NFXL1: variants seen among roughly 807,000 people sequenced by gnomAD.
The protein encoded by NFXL1 is NF-X1-type zinc finger protein NFXL1.
A neutral mutation model predicts 123.3 loss-of-function variants in NFXL1; 66 were observed. The ratio of observed to expected loss-of-function variants is 0.54; its 90% CI spans 0.44 to 0.66. The LOEUF (loss-of-function observed/expected upper bound fraction) is 0.66, where lower values mean the gene tolerates loss of function less well. Ranked by LOEUF, NFXL1 falls within the 30% of genes least tolerant of loss-of-function variation. The pLI is 0.00. For synonymous variants in NFXL1, 346 were observed against 360.8 expected (o/e 0.96, Z 0.46); for missense variants, 944 against 1,125.6 (o/e 0.84, Z 2.31).
chr4:47,876,951 G>C, intron 17 of NFXL1: 1 of 497,288 alleles, frequency 2.0e-6, no homozygotes. Context: ...TCTGAGATGG[G>C]AAAGACTGAG....
At chr4:47,901,133 G>T (rs1272006416) in intron 5 of NFXL1, among the ~76,000 whole-genome samples, 1 of 152,164 alleles carries the variant, frequency 6.6e-6, no homozygotes, top group Admixed American at 6.5e-5. Flanking sequence ...ACAATGAAAT[G>T]TAATTATGCT....
In NFXL1 at chr4:47,903,334, T is replaced by C; in HGVS notation, c.517-11A>G. 1.3e-6 allele frequency: 2 copies of C among 1,502,810 alleles called. No homozygotes were observed. The highest frequency in any genetic ancestry group is 2.4e-5 in the Admixed American group (1 of 41,142). 93.1% of individuals were successfully genotyped at this position (1,502,810 alleles called of 1,614,324 possible). On this transcript the variant is annotated splice_polypyrimidine_tract_variant and intron_variant, in intron 4 of 22. Coordinates refer to ENST00000507489, the MANE Select transcript of NFXL1 (RefSeq NM_001278624.2). ...CGAACAGCTCCAAACCTAAGACAAA[T>C]GTATCAGAAGTTAATATATGTTAAT...
At chr4:47,849,343 A>T (rs1733987529) in intron 22 of NFXL1, among the ~76,000 whole-genome samples, 1 of 152,174 alleles carries the variant, frequency 6.6e-6, no homozygotes, top group South Asian at 2.1e-4. Context: ...AGTACTTATT[A>T]AACTTTTACA....
intron 18 of NFXL1, among the ~76,000 whole-genome samples, chr4:47,874,142 A>C (rs769975264): frequency 1.3e-5 from 2 of 152,204 alleles, no homozygotes; most frequent in Non-Finnish European, 2.9e-5. Flanking sequence ...AACTTTCTCC[A>C]TATCAGCAAT....
chr4:47,859,851 A>C (rs1219622279), intron 19 of NFXL1, among the ~76,000 whole-genome samples: 3 of 133,336 alleles, frequency 2.2e-5, no homozygotes, highest in Non-Finnish European at 4.7e-5. Context: ...CAAAAAAAAA[A>C]AAAAAAAAAA....
At chr4:47,850,963 T>C (rs1253369001) in intron 22 of NFXL1, 132 bp downstream of exon 22, 1 of 638,670 alleles carries the variant, frequency 1.6e-6, no homozygotes, top group African/African-American at 1.8e-5. Flanking sequence ...CTCATTTTTG[T>C]TTTACAAGAA....
intron 18 of NFXL1, among the ~76,000 whole-genome samples, chr4:47,863,144 C>T (rs374629186): frequency 6.6e-6 from 1 of 152,152 alleles, no homozygotes; most frequent in Non-Finnish European, 1.5e-5. Flanking sequence ...AAAGTGTAAT[C>T]GCTGCAAGAA....
At chr4:47,886,670 C>T (rs1278013283) in intron 12 of NFXL1, among the ~76,000 whole-genome samples, 1 of 152,110 alleles carries the variant, frequency 6.6e-6, no homozygotes, top group African/African-American at 2.4e-5. Flanking sequence ...CACCCAGCCT[C>T]TGATTTATAA....
chr4:47,855,149 A>G lies in NFXL1; in HGVS notation c.2331T>C (p.His777=). ...CAGGATGACACATCTCTTTGCATCT[A>G]TGACCACAAGGAAGCTAAAATAAAA... The part of the protein sequence containing the change: ...NQCPKELPCG[H]RCKEMCHPGE... Residue 777 remains histidine (H), a synonymous_variant, in exon 20 of 23, where the codon CAT becomes CAC. Transcript: ENST00000507489. The G allele has an allele frequency of 6.3e-7, 1 of 1,579,882 alleles. No homozygotes were observed. The highest frequency in any genetic ancestry group is 2.3e-5 in the East Asian group (1 of 43,896).
At chr4:47,888,661 T>C (rs879153763) in intron 12 of NFXL1, among the ~76,000 whole-genome samples, 3 of 152,152 alleles carry the variant, frequency 2.0e-5, no homozygotes, top group African/African-American at 7.2e-5. Context: ...AGGAACATGT[T>C]AAATAATACC....
In NFXL1 at chr4:47,875,248, G is replaced by C. The variant is rs756955581; in HGVS notation, c.2125C>G (p.Arg709Gly). Residue 709 changes from arginine to glycine, a missense_variant, in exon 18 of 23, where the codon CGG (arginine) becomes GGG (glycine). This residue lies in a region of NFXL1 where 301 missense variants were observed against 348.0 expected (regional missense o/e 0.86). Transcript: ENST00000507489. The part of the protein sequence containing the change: ...LHCEEGCSKS[R>G]PLGCLHPCIL... ...CATGGGTGAAGACAACCTAGTGGCCGTGACTTGGAGCACCCTTCCTCACAA... is the reference window on the plus strand; with the variant it reads ...CATGGGTGAAGACAACCTAGTGGCCCTGACTTGGAGCACCCTTCCTCACAA... 4 of 1,613,060 alleles carry C rather than the reference G, an allele frequency of 2.5e-6. No homozygotes were observed. The highest frequency in any genetic ancestry group is 2.2e-5 in the East Asian group (1 of 44,826).
intron 4 of NFXL1, among the ~76,000 whole-genome samples, chr4:47,903,972 C>T (rs953831676): frequency 6.6e-5 from 10 of 152,102 alleles, no homozygotes; most frequent in Non-Finnish European, 1.3e-4. Context: ...AATCAGTTCC[C>T]CTTTCCTTAT....
Position 47,885,528 on chromosome 4 carries a change from AT to A in NFXL1, c.1793del (p.His598LeufsTer5). 1 of 1,613,604 alleles carries A rather than the reference AT, an allele frequency of 6.2e-7. No homozygotes were observed. Among genetic ancestry groups the A allele is most frequent in the Non-Finnish European group, 8.5e-7 (1 of 1,179,520 alleles). On this transcript the variant is annotated frameshift_variant, in exon 14 of 23. Coordinates refer to ENST00000507489, the MANE Select transcript of NFXL1 (RefSeq NM_001278624.2). LOFTEE classifies it high-confidence loss of function. ...CAGTCTGCTTTATTAATGCTTGATC[AT>A]GACACGGAGCAGGACACAAGTGACC... ...KCGHLCPAPC[H>X]DQALIKQTGR...
rs1736947245 is a variant in NFXL1 at position 47,894,274 on chromosome 4, T to C, written c.1358A>G (p.Lys453Arg). ...ATGACAAGGCATTCGTTTTGTATGC[T>C]TTCCACAGCGACAATGCTTTTCCAC... ...QEVEKHCRCG[K>R]HTKRMPCHKP... Residue 453 changes from lysine (K) to arginine (R), a missense_variant, in exon 11 of 23, where the codon AAG (lysine) becomes AGG (arginine). Physicochemically the swap from Lys to Arg is conservative, Grantham distance 26. Around this residue, in one of 4 missense-constraint regions of NFXL1, gnomAD observed 296 missense variants for 395.1 expected, o/e 0.75. Transcript: ENST00000507489. 1 of 1,600,274 alleles carries C rather than the reference T, an allele frequency of 6.2e-7. No homozygotes were observed. Among genetic ancestry groups the C allele is most frequent in the South Asian group, 1.1e-5 (1 of 88,992 alleles).
intron 17 of NFXL1, among the ~76,000 whole-genome samples, chr4:47,878,277 A>G (rs942179835): frequency 5.9e-5 from 9 of 152,000 alleles, no homozygotes; most frequent in Non-Finnish European, 1.3e-4. Flanking sequence ...ATGTATTAAC[A>G]CAGGTACAGT....
At chr4:47,854,881 T>C (rs1734314448) in intron 20 of NFXL1, among the ~76,000 whole-genome samples, 178 bp downstream of exon 20, 1 of 143,950 alleles carries the variant, frequency 6.9e-6, no homozygotes, top group Non-Finnish European at 1.5e-5. Context: ...TTTAAAGAAC[T>C]AGTAGGCTCA....
At chr4:47,894,908 C>T (rs1052676711) in intron 10 of NFXL1, among the ~76,000 whole-genome samples, 5 of 152,138 alleles carry the variant, frequency 3.3e-5, no homozygotes, top group Admixed American at 6.5e-5. Flanking sequence ...TCACTATCTA[C>T]GGCAGCTACA....
At chr4:47,913,389 T>TATC (rs1422818102) in intron 2 of NFXL1, among the ~76,000 whole-genome samples, 1 of 152,086 alleles carries the variant, frequency 6.6e-6, no homozygotes, top group African/African-American at 2.4e-5. Context: ...TCAAGGAAGG[T>TATC]ATCAAAAGCT....
At chr4:47,870,197 A>G (rs1484756130) in intron 18 of NFXL1, among the ~76,000 whole-genome samples, 2 of 152,198 alleles carry the variant, frequency 1.3e-5, no homozygotes, top group Non-Finnish European at 2.9e-5. Flanking sequence ...TATAAAACAA[A>G]CGTAACGTTG....
Sources: gnomAD v4.1 joint callset for allele counts (sites outside exome capture counted in the v4.1 genomes callset) on GRCh38, gnomAD v4.1.1 for gene constraint, gnomAD v4.1.1 regional missense constraint, MANE v1.5 for transcripts, NCBI Gene and HGNC (gene_info 2026-07-23, HGNC 2026-07-21) for gene names.